Variants in ELMO1 observed in about 807,000 individuals in gnomAD.
ELMO1 encodes engulfment and cell motility 1, also known as engulfment and cell motility protein 1.
A neutral mutation model predicts 98.9 loss-of-function variants in ELMO1; 26 were observed. The observed-to-expected ratio is 0.26, with a 90% CI of 0.19 to 0.36. ELMO1 has a LOEUF of 0.36. Among genes scored for constraint, ELMO1 ranks in the 10% least tolerant of loss-of-function variants. The probability of loss-of-function intolerance (pLI) is 1.00; values close to 1 mark genes in which losing one functional copy is unlikely to be tolerated. For missense variants in ELMO1, 627 were observed against 935.2 expected (o/e 0.67, Z 4.30); for synonymous variants, 346 against 346.0 (o/e 1.00, Z 0.00).
intron 16 of ELMO1, among the ~76,000 whole-genome samples, chr7:36,916,836 T>C (rs752198662): frequency 1.3e-5 from 2 of 152,232 alleles, no homozygotes; most frequent in Non-Finnish European, 2.9e-5. Flanking sequence ...AGCCTCACAT[T>C]TTCCTAGGCA....
intron 15 of ELMO1, among the ~76,000 whole-genome samples, chr7:37,014,429 TA>T (rs1229286200): frequency 6.6e-6 from 1 of 151,850 alleles, no homozygotes; most frequent in Non-Finnish European, 1.5e-5. Flanking sequence ...TCTCTTTTTT[TA>T]AAAAAAATAT....
At chr7:37,330,374 T>C (rs1800038758) in intron 2 of ELMO1, among the ~76,000 whole-genome samples, 1 of 152,266 alleles carries the variant, frequency 6.6e-6, no homozygotes, top group South Asian at 2.1e-4. Flanking sequence ...ATTCTCTCTT[T>C]AGCCAAATCC....
chr7:37,265,635 C>T (rs1332959925), intron 5 of ELMO1, among the ~76,000 whole-genome samples: 2 of 152,162 alleles, frequency 1.3e-5, no homozygotes, highest in East Asian at 3.9e-4. Flanking sequence ...ACCCTCATCG[C>T]ATCATCTTTA....
At chr7:37,277,402 A>G (rs994418402) in intron 4 of ELMO1, among the ~76,000 whole-genome samples, 79 of 152,340 alleles carry the variant, frequency 5.2e-4, no homozygotes, top group African/African-American at 1.8e-3. Context: ...CACATCTCAA[A>G]GCTCTGAGGC....
chr7:37,175,525 G>A lies in ELMO1; in HGVS notation c.1086+35861C>T, dbSNP rs1790452516. On this transcript the variant is annotated intron_variant, in intron 13 of 21. Coordinates refer to ENST00000310758, the MANE Select transcript of ELMO1 (RefSeq NM_014800.11). ...GTTTCTTAACCCTCTGGGGACACTT[G>A]GCTTTCACTCTTCCCCATGCCCAAC... is the stretch of plus-strand genomic sequence containing the variant. Among the ~76,000 whole-genome samples, 2 of 152,098 alleles carry A rather than the reference G, an allele frequency of 1.3e-5. 1 individual carries two copies. Among genetic ancestry groups the A allele is most frequent in the South Asian group, 4.1e-4 (2 of 4,824 alleles).
intron 15 of ELMO1, among the ~76,000 whole-genome samples, chr7:37,037,387 G>A (rs1207536360): frequency 1.3e-5 from 2 of 152,104 alleles, no homozygotes; most frequent in African/African-American, 2.4e-5. Context: ...AAAAGTGATC[G>A]GCCATTCTTT....
intron 1 of ELMO1, among the ~76,000 whole-genome samples, chr7:37,409,329 C>T (rs567910314): frequency 1.3e-5 from 2 of 152,292 alleles, no homozygotes; most frequent in African/African-American, 2.4e-5. Flanking sequence ...ATCATTTCAT[C>T]GACTCCTCTT....
At chr7:37,411,076 T>C (rs755871887) in intron 1 of ELMO1, among the ~76,000 whole-genome samples, 5 of 152,348 alleles carry the variant, frequency 3.3e-5, no homozygotes, top group Non-Finnish European at 5.9e-5. Flanking sequence ...GAACAAGAAG[T>C]AGTATAACAT....
chr7:36,883,067 C>T (rs1303102726), intron 18 of ELMO1, among the ~76,000 whole-genome samples: 3 of 152,328 alleles, frequency 2.0e-5, no homozygotes, highest in South Asian at 4.1e-4. Flanking sequence ...CCTGAACGCA[C>T]CACTTGGCTC....
intron 15 of ELMO1, among the ~76,000 whole-genome samples, chr7:37,049,471 G>A (rs1795982314): frequency 6.6e-6 from 1 of 152,112 alleles, no homozygotes; most frequent in African/African-American, 2.4e-5. Flanking sequence ...GGAAACCATG[G>A]GCAAAAATGT....
At chr7:37,145,797 T>C (rs1787943782) in intron 13 of ELMO1, among the ~76,000 whole-genome samples, 1 of 152,208 alleles carries the variant, frequency 6.6e-6, no homozygotes, top group Non-Finnish European at 1.5e-5. Flanking sequence ...AAGCAACCTT[T>C]AAAACAAATC....
At chr7:37,137,874 A>G (rs1031243598) in intron 13 of ELMO1, among the ~76,000 whole-genome samples, 5 of 152,152 alleles carry the variant, frequency 3.3e-5, no homozygotes, top group African/African-American at 7.2e-5. Flanking sequence ...AAATTATATC[A>G]AGTACTCTCT....
At chr7:37,155,254 T>A (rs1328204229) in intron 13 of ELMO1, among the ~76,000 whole-genome samples, 2 of 152,150 alleles carry the variant, frequency 1.3e-5, no homozygotes, top group Non-Finnish European at 2.9e-5. Context: ...CATCAATTAA[T>A]GGGCGAAATA....
intron 1 of ELMO1, among the ~76,000 whole-genome samples, chr7:37,383,377 T>A (rs1302321490): frequency 1.3e-5 from 2 of 152,230 alleles, no homozygotes; most frequent in East Asian, 1.9e-4. Context: ...AGGTTATGCA[T>A]TTTTGGCAGA....
At chr7:36,917,793 G>C (rs1474871583) in intron 16 of ELMO1, among the ~76,000 whole-genome samples, 1 of 152,216 alleles carries the variant, frequency 6.6e-6, no homozygotes, top group Non-Finnish European at 1.5e-5. Context: ...CACAAATAAG[G>C]ATGTTAGCTG....
intron 8 of ELMO1, among the ~76,000 whole-genome samples, chr7:37,227,674 C>T (rs930104310): frequency 6.6e-6 from 1 of 152,088 alleles, no homozygotes; most frequent in Non-Finnish European, 1.5e-5. Context: ...GCATGAGCCA[C>T]GGTACCCAGC....
intron 13 of ELMO1, among the ~76,000 whole-genome samples, chr7:37,174,499 C>A (rs1036633953): frequency 3.9e-5 from 6 of 152,192 alleles, no homozygotes; most frequent in African/African-American, 1.4e-4. Context: ...GGCTCCTGGA[C>A]ACATCAGCAT....
intron 16 of ELMO1, among the ~76,000 whole-genome samples, chr7:36,973,654 A>C (rs1440412813): frequency 6.6e-6 from 1 of 152,132 alleles, no homozygotes; most frequent in African/African-American, 2.4e-5. Context: ...GCACTTGAGA[A>C]GCCCTTCAGC....
At chr7:37,357,642 T>C (rs972416543) in intron 1 of ELMO1, among the ~76,000 whole-genome samples, 5 of 152,194 alleles carry the variant, frequency 3.3e-5, no homozygotes, top group African/African-American at 1.2e-4. Context: ...CAAACAAACC[T>C]ATAGATTTTT....
Sources: gnomAD v4.1 joint callset for allele counts (sites outside exome capture counted in the v4.1 genomes callset) on GRCh38, gnomAD v4.1.1 for gene constraint, MANE v1.5 for transcripts, NCBI Gene and HGNC (gene_info 2026-07-23, HGNC 2026-07-21) for gene names.